The following ADAMTS17 variants were observed in gnomAD, a reference collection of about 807,000 sequenced individuals.
ADAMTS17 encodes the protein ADAM metallopeptidase with thrombospondin type 1 motif 17.
Under a neutral mutation model 141.5 loss-of-function variants are expected in ADAMTS17, and 113 were observed. That is an observed-to-expected ratio of 0.80 (90% CI 0.69 to 0.93). The LOEUF (loss-of-function observed/expected upper bound fraction) is 0.93, where lower values mean the gene tolerates loss of function less well. Ranked by LOEUF, ADAMTS17 falls within the 40% of genes least tolerant of loss-of-function variation. The probability of loss-of-function intolerance (pLI) is 0.00; values close to 1 mark genes in which losing one functional copy is unlikely to be tolerated. For synonymous variants in ADAMTS17, 768 were observed against 630.6 expected (o/e 1.22, Z -3.27); for missense variants, 1,659 against 1,517.9 (o/e 1.09, Z -1.54).
At chr15:100,301,505 T>G (rs2045035987) in intron 3 of ADAMTS17, among the ~76,000 whole-genome samples, 1 of 150,476 alleles carries the variant, frequency 6.6e-6, no homozygotes, top group Non-Finnish European at 1.5e-5. Flanking sequence ...TTTTTTTTTT[T>G]TTTTTGTATA....
chr15:100,247,385 A>G (rs146199095), intron 7 of ADAMTS17, among the ~76,000 whole-genome samples: 2 of 152,216 alleles, frequency 1.3e-5, no homozygotes, highest in Non-Finnish European at 2.9e-5. Context: ...CACCCAGCAA[A>G]GAACACTTTT....
intron 6 of ADAMTS17, among the ~76,000 whole-genome samples, chr15:100,255,229 C>T (rs1469463065): frequency 2.0e-5 from 3 of 152,108 alleles, no homozygotes; most frequent in African/African-American, 7.2e-5. Context: ...TTTCCATGGT[C>T]AGGGATCAAC....
At chr15:100,089,859 C>T (rs1305088360) in intron 15 of ADAMTS17, among the ~76,000 whole-genome samples, 2 of 150,292 alleles carry the variant, frequency 1.3e-5, no homozygotes, top group Admixed American at 1.3e-4. Flanking sequence ...GGAGGGATAG[C>T]ATTAGGAGAT....
At chr15:100,271,631 G>T (rs2043917089) in intron 4 of ADAMTS17, among the ~76,000 whole-genome samples, 1 of 151,300 alleles carries the variant, frequency 6.6e-6, no homozygotes. Context: ...TATATATTCT[G>T]GATATTATAA....
chr15:99,978,461 C>G (rs550667218), intron 20 of ADAMTS17: 1 of 152,390 alleles, frequency 6.6e-6, no homozygotes, highest in East Asian at 1.9e-4. Context: ...CCCGAGAGGC[C>G]AGGCCAACCC....
At chr15:100,166,383 TCTTGC>T (rs2141444448) in intron 8 of ADAMTS17, among the ~76,000 whole-genome samples, 1 of 152,330 alleles carries the variant, frequency 6.6e-6, no homozygotes, top group Non-Finnish European at 1.5e-5. Context: ...ATTCCTTATT[TCTTGC>T]CTTATGAAAT....
intron 4 of ADAMTS17, among the ~76,000 whole-genome samples, chr15:100,266,117 A>G (rs1408332950): frequency 1.3e-5 from 2 of 152,134 alleles, no homozygotes; most frequent in Non-Finnish European, 2.9e-5. Context: ...ATTCCACTCC[A>G]CGGTCGTTAA....
chr15:99,998,012 G>A (rs2060840054), intron 18 of ADAMTS17, among the ~76,000 whole-genome samples: 1 of 152,140 alleles, frequency 6.6e-6, no homozygotes, highest in South Asian at 2.1e-4. Flanking sequence ...CCTCTGCTGG[G>A]AGAACAGTCC....
At chr15:100,213,479 GCACACACAC>G (rs1217321824) in intron 7 of ADAMTS17, among the ~76,000 whole-genome samples, 2 of 152,108 alleles carry the variant, frequency 1.3e-5, no homozygotes, top group African/African-American at 4.8e-5. Context: ...CCCGTCCACA[GCACACACAC>G]CACACACACC....
At chr15:100,218,496 C>T (rs1016850994) in intron 7 of ADAMTS17, among the ~76,000 whole-genome samples, 10 of 152,128 alleles carry the variant, frequency 6.6e-5, no homozygotes, top group Non-Finnish European at 1.3e-4. Flanking sequence ...CAACATCAGC[C>T]ATTAGAGAAA....
chr15:100,103,980 G>A (rs1318727534), intron 14 of ADAMTS17, among the ~76,000 whole-genome samples: 1 of 152,188 alleles, frequency 6.6e-6, no homozygotes, highest in Non-Finnish European at 1.5e-5. Context: ...AGGCCCTGAA[G>A]GTGTTTTGGC....
chr15:100,188,137 C>T (rs755889300), intron 8 of ADAMTS17, among the ~76,000 whole-genome samples: 10 of 151,862 alleles, frequency 6.6e-5, no homozygotes, highest in East Asian at 1.9e-4. Flanking sequence ...AATGCAATGG[C>T]GTGATTTCGG....
At chr15:100,141,018 C>T (rs1311993006) in intron 10 of ADAMTS17, among the ~76,000 whole-genome samples, 1 of 152,220 alleles carries the variant, frequency 6.6e-6, no homozygotes, top group Non-Finnish European at 1.5e-5. Flanking sequence ...TCCTCTCCCA[C>T]TCCCGCCCCC....
At chr15:100,004,692 C>T (rs369480818) in intron 18 of ADAMTS17, among the ~76,000 whole-genome samples, 10 of 149,736 alleles carry the variant, frequency 6.7e-5, no homozygotes, top group Middle Eastern at 3.4e-3. Flanking sequence ...GCAATCTCGG[C>T]GCACTGCAGC....
chr15:100,140,456 C>T lies in ADAMTS17; in HGVS notation c.1474-7141G>A, dbSNP rs544023941. On this transcript the variant is annotated intron_variant, in intron 10 of 21. Coordinates refer to ENST00000268070, the MANE Select transcript of ADAMTS17 (RefSeq NM_139057.4). ...ACTAGTCCTGACTAACTCCAAGACA[C>T]ACACACACACACAGACACACACACA... Among the ~76,000 whole-genome samples the T allele has an allele frequency of 6.5e-5, 9 of 138,686 alleles. No individual in the cohort carries two copies. In the East Asian group the frequency reaches 1.9e-3, roughly 30 times the overall value. The allele number at this position is 138,686 out of a possible 152,430, so 91.0% of individuals were successfully genotyped here.
At chr15:100,051,072 G>C (rs1292023183) in intron 17 of ADAMTS17, among the ~76,000 whole-genome samples, 5 of 152,190 alleles carry the variant, frequency 3.3e-5, no homozygotes, top group Admixed American at 1.3e-4. Flanking sequence ...GAAGTCATTT[G>C]CTGAGGTCAA....
chr15:100,096,941 C>A (rs1343847894), intron 14 of ADAMTS17, among the ~76,000 whole-genome samples: 2 of 152,256 alleles, frequency 1.3e-5, no homozygotes, highest in African/African-American at 4.8e-5. Flanking sequence ...ACAGAAACCA[C>A]AGACTTTTCT....
intron 7 of ADAMTS17, among the ~76,000 whole-genome samples, chr15:100,249,678 G>A (rs558002188): frequency 3.3e-4 from 50 of 152,292 alleles, no homozygotes; most frequent in African/African-American, 1.2e-3. Flanking sequence ...CTTCCAGTAG[G>A]TGCCCTTGGC....
chr15:100,286,616 C>T (rs1437299436), intron 3 of ADAMTS17, among the ~76,000 whole-genome samples: 1 of 152,158 alleles, frequency 6.6e-6, no homozygotes, highest in African/African-American at 2.4e-5. Flanking sequence ...CAGCTGAGTT[C>T]ACCTTATACC....
Sources: gnomAD v4.1 joint callset for allele counts (sites outside exome capture counted in the v4.1 genomes callset) on GRCh38, gnomAD v4.1.1 for gene constraint, MANE v1.5 for transcripts, NCBI Gene and HGNC (gene_info 2026-07-23, HGNC 2026-07-21) for gene names.